The following TRIM9 variants were observed in gnomAD, a reference collection of about 807,000 sequenced individuals.
TRIM9 encodes E3 ubiquitin-protein ligase TRIM9.
A neutral mutation model predicts 78.3 loss-of-function variants in TRIM9; 26 were observed. That is an observed-to-expected ratio of 0.33 (90% CI 0.24 to 0.46). The LOEUF (loss-of-function observed/expected upper bound fraction) is 0.46. Among genes scored for constraint, TRIM9 ranks in the 20% least tolerant of loss-of-function variants. The pLI is 1.00. For missense variants in TRIM9, 787 were observed against 1,036.4 expected, an observed-to-expected ratio of 0.76 and a Z score of 3.30; for synonymous variants, 398 against 416.5, an observed-to-expected ratio of 0.96 and a Z score of 0.54.
chr14:51,094,030 C>G (rs1357472478), intron 1 of TRIM9, 88 bp downstream of exon 1: 7 of 1,365,488 alleles, frequency 5.1e-6, no homozygotes, highest in Non-Finnish European at 7.1e-6. Flanking sequence ...CACTGGGATG[C>G]GCTGTGCGCA....
chr14:51,011,504 T>C (rs894771530), intron 3 of TRIM9, among the ~76,000 whole-genome samples: 2 of 152,170 alleles, frequency 1.3e-5, no homozygotes, highest in African/African-American at 4.8e-5. Flanking sequence ...AAGCGTAAAA[T>C]TGAAGAAGGG....
Position 51,085,598 on chromosome 14 carries a change from G to A in TRIM9, c.822+8520C>T, listed in dbSNP as rs116543007. Among the ~76,000 whole-genome samples the A allele has an allele frequency of 4.9e-3, 740 of 152,268 alleles. 4 individuals carry two copies. Among genetic ancestry groups the A allele is most frequent in the African/African-American group, 0.017 (693 of 41,562 alleles). ...TAGGCAAAAGGTACAAGAAAAAACT[G>A]AAAGTAAACAGATACTTGCTTACAG... On this transcript the variant is annotated intron_variant, in intron 1 of 12. Transcript: ENST00000684578.
chr14:51,043,469 T>C (rs2059716919), intron 1 of TRIM9, among the ~76,000 whole-genome samples: 1 of 152,242 alleles, frequency 6.6e-6, no homozygotes, highest in Non-Finnish European at 1.5e-5. Context: ...GAAATGCCTG[T>C]TGGCCCCATA....
At chr14:50,991,500 G>A (rs1413067905) in intron 7 of TRIM9, among the ~76,000 whole-genome samples, 1 of 152,124 alleles carries the variant, frequency 6.6e-6, no homozygotes, top group African/African-American at 2.4e-5. Context: ...TTTTTGGAGA[G>A]GCCCAGATGC....
chr14:50,981,334 A>G (rs1429951598), intron 11 of TRIM9, among the ~76,000 whole-genome samples: 1 of 152,184 alleles, frequency 6.6e-6, no homozygotes, highest in Non-Finnish European at 1.5e-5. Flanking sequence ...AATGGCTACT[A>G]TTTTCAGGTG....
chr14:50,982,227 G>C (rs1372241979), intron 10 of TRIM9, 124 bp from the exon 11 acceptor site: 18 of 1,166,826 alleles, frequency 1.5e-5, no homozygotes, highest in Non-Finnish European at 2.2e-5. Context: ...GGAAGGAGGC[G>C]TCCAGGGCCA....
intron 3 of TRIM9, among the ~76,000 whole-genome samples, chr14:51,018,934 A>G (rs2057483000): frequency 6.6e-6 from 1 of 152,254 alleles, no homozygotes; most frequent in Non-Finnish European, 1.5e-5. Context: ...ATTAGAGAGA[A>G]CACATTTAAG....
At chr14:51,017,881 G>C (rs2057369806) in intron 3 of TRIM9, among the ~76,000 whole-genome samples, 1 of 152,118 alleles carries the variant, frequency 6.6e-6, no homozygotes, top group Non-Finnish European at 1.5e-5. Flanking sequence ...TGATTCCATG[G>C]GTAGCCTGGG....
At chr14:50,981,650 G>T in intron 11 of TRIM9, 150 bp downstream of exon 11, 1 of 947,702 alleles carries the variant, frequency 1.1e-6, no homozygotes, top group Non-Finnish European at 1.6e-6. Context: ...CATGGACTCA[G>T]CTGAGGCTCA....
Position 50,977,355 on chromosome 14 carries a change from TG to T in TRIM9, c.2326-3del. On this transcript the variant is annotated splice_polypyrimidine_tract_variant and splice_region_variant and intron_variant, in intron 12 of 12. Transcript: ENST00000684578. ...TGGGAGCCCGGTGTGCAGCGTGACC[TG>T]GGGAATGAGACTGTGAGTCCTGAGA... 1.3e-6 allele frequency: 2 copies of T among 1,538,206 alleles called. No homozygotes were observed. The highest frequency in any genetic ancestry group is 1.8e-6 in the Non-Finnish European group (2 of 1,138,750).
chr14:51,058,755 A>G (rs8006348), intron 1 of TRIM9, among the ~76,000 whole-genome samples: 45,527 of 152,152 alleles, frequency 0.3, 7,366 homozygotes, highest in African/African-American at 0.41. Flanking sequence ...CAATTCAGCT[A>G]CATATGGTGT....
At chr14:51,053,593 T>TTTTATTTTTTTTTTTTTTTTTTTA (rs1555344763) in intron 1 of TRIM9, among the ~76,000 whole-genome samples, 1 of 114,996 alleles carries the variant, frequency 8.7e-6, no homozygotes, top group Admixed American at 9.0e-5. Context: ...TTTTTTTTTT[T>TTTTATTTTTTTTTTTTTTTTTTTA]AATTTTTTTT....
chr14:51,024,446 A>G (rs142734204), intron 2 of TRIM9, among the ~76,000 whole-genome samples: 1 of 152,330 alleles, frequency 6.6e-6, no homozygotes, highest in African/African-American at 2.4e-5. Flanking sequence ...ATCCATTTCT[A>G]CCTTGACATG....
intron 2 of TRIM9, among the ~76,000 whole-genome samples, chr14:51,023,700 T>C (rs1461912460): frequency 3.3e-5 from 5 of 152,260 alleles, no homozygotes; most frequent in Admixed American, 6.5e-5. Flanking sequence ...CAATGAGTTA[T>C]ATGCAGTTAT....
Position 51,082,293 on chromosome 14 carries a change from C to T in TRIM9, c.822+11825G>A, listed in dbSNP as rs547047803. Among the ~76,000 whole-genome samples the T allele has an allele frequency of 3.9e-5, 6 of 152,278 alleles. No individual in the cohort carries two copies. The South Asian group carries it at 1.2e-3, about 32-fold the overall frequency. Reference sequence around the variant, plus strand: ...AATTGAAAACATGTCCACATAAAAACTTGTATATGAATGTTCATAACAGCA... The same window carrying T: ...AATTGAAAACATGTCCACATAAAAATTTGTATATGAATGTTCATAACAGCA... On this transcript the variant is annotated intron_variant, in intron 1 of 12. Coordinates refer to ENST00000684578, the MANE Select transcript of TRIM9 (RefSeq NM_001387360.1).
rs567140070 is a variant in TRIM9 at position 51,010,994 on chromosome 14, C to T, written c.1042-500G>A. Among the ~76,000 whole-genome samples, 16 of 152,276 alleles carry T rather than the reference C, an allele frequency of 1.1e-4. 1 individual carries two copies. The highest frequency in any genetic ancestry group is 3.3e-4 in the Admixed American group (5 of 15,298). On this transcript the variant is annotated intron_variant, in intron 3 of 12. Coordinates refer to ENST00000684578, the MANE Select transcript of TRIM9 (RefSeq NM_001387360.1). ...CTTCCTGCCCCTCCCCACAGCCCCA[C>T]GGTCAATTGTTCTGCATCTTTTTCC...
At chr14:50,993,209 C>T (rs1451853776) in intron 7 of TRIM9, among the ~76,000 whole-genome samples, 1 of 152,122 alleles carries the variant, frequency 6.6e-6, no homozygotes, top group Non-Finnish European at 1.5e-5. Flanking sequence ...AAGGGCCTCT[C>T]TAGGTGACCT....
At chr14:51,019,856 A>G (rs759125163) in intron 3 of TRIM9, among the ~76,000 whole-genome samples, 13 of 152,178 alleles carry the variant, frequency 8.5e-5, no homozygotes, top group Non-Finnish European at 1.5e-4. Flanking sequence ...CCTCTATGAC[A>G]CAGAACCTGG....
At chr14:51,002,285 C>A (rs926103729) in intron 5 of TRIM9, among the ~76,000 whole-genome samples, 4 of 103,108 alleles carry the variant, frequency 3.9e-5, no homozygotes, top group African/African-American at 1.2e-4. Flanking sequence ...CCACGGCTGG[C>A]TGATTTTTTT....
Sources: gnomAD v4.1 joint callset for allele counts (sites outside exome capture counted in the v4.1 genomes callset) on GRCh38, gnomAD v4.1.1 for gene constraint, MANE v1.5 for transcripts, NCBI Gene and HGNC (gene_info 2026-07-23, HGNC 2026-07-21) for gene names.